Variants in SYBU observed in about 807,000 individuals in gnomAD.
The protein encoded by SYBU is syntabulin.
SYBU carries 21 observed loss-of-function variants against 35.9 expected under a neutral mutation model. That is an observed-to-expected ratio of 0.58 (90% CI 0.41 to 0.84). The LOEUF is 0.84. Among genes scored for constraint, SYBU ranks in the 40% least tolerant of loss-of-function variants. The probability of loss-of-function intolerance (pLI) is 0.00; values close to 1 mark genes in which losing one functional copy is unlikely to be tolerated. For synonymous variants in SYBU, 319 were observed against 324.3 expected, an observed-to-expected ratio of 0.98 and a Z score of 0.18; for missense variants, 768 against 848.2, an observed-to-expected ratio of 0.91 and a Z score of 1.17.
intron 2 of SYBU, among the ~76,000 whole-genome samples, chr8:109,637,917 C>A (rs957588039): frequency 6.6e-6 from 1 of 152,152 alleles, no homozygotes; most frequent in African/African-American, 2.4e-5. Flanking sequence ...CTGTAAATAA[C>A]AAAATACTTT....
chr8:109,631,465 G>A (rs768847164), intron 2 of SYBU, among the ~76,000 whole-genome samples: 1 of 152,144 alleles, frequency 6.6e-6, no homozygotes, highest in African/African-American at 2.4e-5. Context: ...TCACTCTGGC[G>A]AAGCCCTGGG....
At chr8:109,641,126 T>G (rs899995989) in intron 2 of SYBU, among the ~76,000 whole-genome samples, 2 of 152,206 alleles carry the variant, frequency 1.3e-5, no homozygotes, top group Admixed American at 6.5e-5. Flanking sequence ...AGACAGTCAC[T>G]CCTTTAAATT....
chr8:109,580,077 A>G lies in SYBU; in HGVS notation c.531-75T>C, dbSNP rs538791721. 11 of 1,333,502 alleles carry G rather than the reference A, an allele frequency of 8.2e-6. No individual in the cohort carries two copies. The South Asian group carries it at 9.4e-5, about 11-fold the overall frequency. 82.6% of individuals were successfully genotyped at this position (1,333,502 alleles called of 1,614,324 possible). A position where few individuals can be genotyped will look rare whatever the true frequency, so the allele number is the denominator to read the frequency against. ...CAAGGGCTAATGTCTTACTCCTTAA[A>G]TCTAAGGAAATCCAATTTATAGAGT... On this transcript the variant is annotated intron_variant, in intron 4 of 6. Coordinates refer to ENST00000276646, the MANE Select transcript of SYBU (RefSeq NM_001099754.2).
intron 2 of SYBU, among the ~76,000 whole-genome samples, chr8:109,640,136 A>T (rs879644377): frequency 1.8e-4 from 27 of 152,164 alleles, no homozygotes; most frequent in Non-Finnish European, 4.0e-4. Context: ...ACCCATAATT[A>T]TATGCTTCTG....
At chr8:109,683,816 C>T (rs1018847805), upstream of SYBU, among the ~76,000 whole-genome samples, 7 of 152,128 alleles carry the variant, frequency 4.6e-5, no homozygotes, top group African/African-American at 1.7e-4. Flanking sequence ...CAGTTACCTC[C>T]ATACTGTTCT....
intron 3 of SYBU, among the ~76,000 whole-genome samples, chr8:109,597,817 A>G (rs778851266): frequency 2.0e-5 from 3 of 152,198 alleles, no homozygotes; most frequent in African/African-American, 4.8e-5. Context: ...CTAAGCATCT[A>G]TGTGTTAGAG....
At chr8:109,675,644 T>C (rs926211401) in intron 1 of SYBU, among the ~76,000 whole-genome samples, 7 of 152,016 alleles carry the variant, frequency 4.6e-5, no homozygotes, top group Non-Finnish European at 8.8e-5. Flanking sequence ...AGGCAGTAAT[T>C]AATAGCCTAA....
chr8:109,655,897 T>C (rs1287278378), intron 1 of SYBU, among the ~76,000 whole-genome samples: 2 of 152,074 alleles, frequency 1.3e-5, no homozygotes, highest in Non-Finnish European at 2.9e-5. Context: ...GGCAGATCAT[T>C]TGAGGTCAGG....
In SYBU at chr8:109,575,323, T is replaced by G; in HGVS notation, c.1575A>C (p.Glu525Asp). Reference sequence around the variant, plus strand: ...CTGGGAAGCTCTCCATCGAGTCTGGTTCAGACTCATCAGGGGACGCCAAGC... The same window carrying G: ...CTGGGAAGCTCTCCATCGAGTCTGGGTCAGACTCATCAGGGGACGCCAAGC... ...PSSLASPDESEPDSMESFPES... is the reference protein window; with the variant it reads ...PSSLASPDESDPDSMESFPES... The change falls in exon 7 of 7, where the codon GAA becomes GAC. Residue 525 changes from glutamate (E) to aspartate (D), a missense_variant. Transcript: ENST00000276646. 9 of 1,614,072 alleles carry G rather than the reference T, an allele frequency of 5.6e-6. No individual in the cohort carries two copies. Among genetic ancestry groups the G allele is most frequent in the Non-Finnish European group, 7.6e-6 (9 of 1,179,966 alleles).
chr8:109,607,831 C>CACACAT lies in SYBU; in HGVS notation c.427+11010_427+11011insATGTGT. 29 of 760,612 alleles carry CACACAT rather than the reference C, an allele frequency of 3.8e-5. No individual in the cohort carries two copies. The South Asian group carries it at 4.8e-4, about 13-fold the overall frequency. 47.1% of individuals were successfully genotyped at this position (760,612 alleles called of 1,614,324 possible). A position where few individuals can be genotyped will look rare whatever the true frequency, so the allele number is the denominator to read the frequency against. On this transcript the variant is annotated intron_variant, in intron 3 of 6. Transcript: ENST00000276646. The stretch of plus-strand genomic sequence containing the variant: ...ACTCACACACACACACACACACACA[C>CACACAT]ACACACACACACACACACACACAGT...
intron 1 of SYBU, among the ~76,000 whole-genome samples, chr8:109,659,741 T>C (rs1816492677): frequency 6.6e-6 from 1 of 152,142 alleles, no homozygotes; most frequent in Admixed American, 6.5e-5. Flanking sequence ...CCAAATCTTA[T>C]AGGTCTTTTG....
At chr8:109,689,048 T>A (rs557151207) in intron 1 of SYBU, among the ~76,000 whole-genome samples, 3 of 152,262 alleles carry the variant, frequency 2.0e-5, no homozygotes, top group African/African-American at 7.2e-5. Flanking sequence ...ACTTAGAATA[T>A]ATAGTAAAAT....
intron 1 of SYBU, among the ~76,000 whole-genome samples, chr8:109,687,699 C>G (rs958150614): frequency 2.6e-5 from 4 of 151,916 alleles, no homozygotes; most frequent in Admixed American, 2.6e-4. Context: ...TTTTTTTTCT[C>G]TTATTACAGA....
chr8:109,593,204 G>C (rs987945227), intron 3 of SYBU, among the ~76,000 whole-genome samples: 4 of 152,176 alleles, frequency 2.6e-5, no homozygotes, highest in African/African-American at 9.7e-5. Flanking sequence ...TTATGAGGAA[G>C]AGAGCTCCAA....
At chr8:109,660,292 A>G (rs1383576098) in intron 1 of SYBU, among the ~76,000 whole-genome samples, 1 of 152,204 alleles carries the variant, frequency 6.6e-6, no homozygotes, top group Non-Finnish European at 1.5e-5. Flanking sequence ...TACTATGTTG[A>G]CAAGTTACAA....
At chr8:109,603,317 G>T in intron 3 of SYBU, 1 of 710,714 alleles carries the variant, frequency 1.4e-6, no homozygotes, top group Middle Eastern at 7.1e-4. Flanking sequence ...ACAAATCCTG[G>T]TGTGGTTTAT....
upstream of SYBU, chr8:109,644,937 C>T (rs1815460369): frequency 1.9e-6 from 1 of 536,200 alleles, no homozygotes; most frequent in South Asian, 2.0e-5. Flanking sequence ...TTCGGGGCAA[C>T]TCGACCGCGC....
intron 3 of SYBU, among the ~76,000 whole-genome samples, chr8:109,602,429 ATTT>A (rs751669435): frequency 0.14 from 18,419 of 132,350 alleles, 1,239 homozygotes; most frequent in South Asian, 0.28. Context: ...CCTCTGTGTA[ATTT>A]TTTTTTTTTT....
At chr8:109,645,633 GTT>G (rs77642059), upstream of SYBU, 177 of 229,712 alleles carry the variant, frequency 7.7e-4, no homozygotes, top group South Asian at 1.9e-3. Flanking sequence ...TTCGTTTTTT[GTT>G]TTTTTTTTTT....
Sources: gnomAD v4.1 joint callset for allele counts (sites outside exome capture counted in the v4.1 genomes callset) on GRCh38, gnomAD v4.1.1 for gene constraint, MANE v1.5 for transcripts, NCBI Gene and HGNC (gene_info 2026-07-23, HGNC 2026-07-21) for gene names.